ROBO2: variants seen among roughly 807,000 people sequenced by gnomAD.
The protein encoded by ROBO2 is roundabout homolog 2.
ROBO2 carries 53 observed loss-of-function variants against 160.8 expected under a neutral mutation model. The observed-to-expected ratio is 0.33, with a 90% CI of 0.26 to 0.41. The LOEUF is 0.41. Ranked by LOEUF, ROBO2 falls within the 10% of genes least tolerant of loss-of-function variation. The probability of loss-of-function intolerance (pLI) is 1.00; values close to 1 mark genes in which losing one functional copy is unlikely to be tolerated. For missense variants in ROBO2, 1,577 were observed against 1,722.4 expected (o/e 0.92, Z 1.49); for synonymous variants, 664 against 611.7 (o/e 1.09, Z -1.26).
intron 2 of ROBO2, among the ~76,000 whole-genome samples, chr3:77,228,039 T>G (rs1369785479): frequency 6.6e-6 from 1 of 152,206 alleles, no homozygotes; most frequent in East Asian, 1.9e-4. Context: ...AATGTTTGAC[T>G]TCCTATTTGA....
At chr3:76,489,890 T>C (rs1476842000) in intron 2 of ROBO2, among the ~76,000 whole-genome samples, 1 of 152,104 alleles carries the variant, frequency 6.6e-6, no homozygotes, top group East Asian at 1.9e-4. Context: ...ACAAAAAGCC[T>C]TTCAATAAAC....
At chr3:76,099,455 A>G (rs979811721) in intron 2 of ROBO2, among the ~76,000 whole-genome samples, 1 of 152,114 alleles carries the variant, frequency 6.6e-6, no homozygotes, top group Admixed American at 6.6e-5. Flanking sequence ...TAAGGCATGT[A>G]TTTCTTGAGA....
At chr3:76,624,796 CAAAAAAAAAAAAAAAAAAAAAAAAAAAA>C (rs57920315) in intron 2 of ROBO2, among the ~76,000 whole-genome samples, 2 of 46,324 alleles carry the variant, frequency 4.3e-5, no homozygotes, top group South Asian at 2.6e-3. Flanking sequence ...GACTCCGTCT[CAAAAAAAAAAAAAAAAAAAAAAAAAAAA>C]AAAAAAAAAA....
chr3:77,090,632 G>A (rs188583197), intron 1 of ROBO2, among the ~76,000 whole-genome samples: 6 of 152,072 alleles, frequency 3.9e-5, no homozygotes, highest in Non-Finnish European at 7.4e-5. Flanking sequence ...GGGATTACAG[G>A]TGTGAGTCAC....
rs75552284 is a variant in ROBO2, at chr3:77,560,072, A to G, written c.1437+1923A>G. 7.1e-4 allele frequency among the ~76,000 whole-genome samples: 108 copies of G among 152,200 alleles called. No homozygotes were observed. In the East Asian group the frequency reaches 0.02, roughly 28 times the overall value. On this transcript the variant is annotated intron_variant, in intron 9 of 25. Coordinates refer to ENST00000461745, the Ensembl canonical transcript of ROBO2. ...GAGGTTAATGCATTTTCACTGTATC[A>G]CTGAATTAAAGGGTATGCTTGAGTA...
chr3:76,422,011 A>G (rs1321660533), intron 2 of ROBO2, among the ~76,000 whole-genome samples: 1 of 152,110 alleles, frequency 6.6e-6, no homozygotes, highest in Non-Finnish European at 1.5e-5. Flanking sequence ...ATTGAACTGT[A>G]AATCGTAGGT....
chr3:77,492,894 T>C (rs2086310214), intron 4 of ROBO2, among the ~76,000 whole-genome samples: 1 of 152,164 alleles, frequency 6.6e-6, no homozygotes, highest in Admixed American at 6.5e-5. Flanking sequence ...GATAATAGAT[T>C]ATTGTAATCA....
At chr3:77,390,667 A>G (rs1319361936) in intron 2 of ROBO2, among the ~76,000 whole-genome samples, 1 of 152,210 alleles carries the variant, frequency 6.6e-6, no homozygotes, top group Non-Finnish European at 1.5e-5. Context: ...ATAACAGATA[A>G]TAAAGCAACT....
intron 2 of ROBO2, among the ~76,000 whole-genome samples, chr3:76,508,960 T>C (rs1038127876): frequency 2.6e-5 from 4 of 152,202 alleles, no homozygotes; most frequent in African/African-American, 9.6e-5. Flanking sequence ...TTTTATATTA[T>C]ACAATGCATA....
chr3:76,661,091 A>G (rs920077988), intron 2 of ROBO2, among the ~76,000 whole-genome samples: 4 of 152,180 alleles, frequency 2.6e-5, no homozygotes, highest in African/African-American at 9.7e-5. Flanking sequence ...ACTTTTTTAA[A>G]CCATAAAAAC....
chr3:77,347,662 G>A (rs770002006), intron 2 of ROBO2, among the ~76,000 whole-genome samples: 1 of 151,926 alleles, frequency 6.6e-6, no homozygotes, highest in Non-Finnish European at 1.5e-5. Flanking sequence ...AATTATGATG[G>A]CCTTGTTAGA....
rs529665515 is a variant in ROBO2 at position 76,501,932 on chromosome 3, A to G, written c.109+564330A>G. On this transcript the variant is annotated intron_variant, in intron 2 of 26. Transcript: ENST00000487694. ...TTTTTATAGTTTCTGGAAGAGATTG[A>G]TCAAAACTTCAACTATTGTGGAATT... 8.4e-4 allele frequency among the ~76,000 whole-genome samples: 128 copies of G among 152,284 alleles called. 1 individual carries two copies. The highest frequency in any genetic ancestry group is 2.4e-3 in the African/African-American group (101 of 41,542).
At chr3:77,227,803 T>A (rs1029162875) in intron 2 of ROBO2, among the ~76,000 whole-genome samples, 2 of 152,354 alleles carry the variant, frequency 1.3e-5, no homozygotes, top group South Asian at 4.2e-4. Flanking sequence ...TTCAACTGCC[T>A]TACTCTGTCA....
chr3:76,219,485 A>C (rs1703807408), intron 2 of ROBO2, among the ~76,000 whole-genome samples: 1 of 152,204 alleles, frequency 6.6e-6, no homozygotes, highest in Non-Finnish European at 1.5e-5. Context: ...ACAAGAAGAA[A>C]ACAAACAACC....
intron 2 of ROBO2, among the ~76,000 whole-genome samples, chr3:76,152,367 G>A (rs561101510): frequency 1.3e-5 from 2 of 152,192 alleles, no homozygotes; most frequent in South Asian, 2.1e-4. Context: ...CATTAATAGA[G>A]CTTCAAATTC....
At chr3:76,521,281 C>A (rs1405701413) in intron 2 of ROBO2, among the ~76,000 whole-genome samples, 2 of 151,912 alleles carry the variant, frequency 1.3e-5, no homozygotes, top group Non-Finnish European at 2.9e-5. Context: ...ACTCCTAGAC[C>A]CAAGTGATCC....
In ROBO2 at chr3:76,185,215, T is replaced by TATATATATATATACAC; in HGVS notation, c.109+247614_109+247615insTATATATATATACACA. On this transcript the variant is annotated intron_variant, in intron 2 of 26. Coordinates refer to the ROBO2 transcript ENST00000487694. ...ACACAGATATATATATATATATATA[T>TATATATATATATACAC]ACACACACAAAGATGTTATATATAC... Among the ~76,000 whole-genome samples the TATATATATATATACAC allele has an allele frequency of 2.1e-3, 190 of 90,280 alleles. 5 individuals are homozygous for TATATATATATATACAC. Among genetic ancestry groups the TATATATATATATACAC allele is most frequent in the South Asian group, 3.6e-3 (9 of 2,472 alleles). The allele number at this position is 90,280 out of a possible 152,430, so 59.2% of individuals were successfully genotyped here.
intron 2 of ROBO2, among the ~76,000 whole-genome samples, chr3:76,068,771 C>A (rs1264400067): frequency 1.3e-5 from 2 of 152,132 alleles, no homozygotes; most frequent in Admixed American, 1.3e-4. Context: ...CTGCCTTCTC[C>A]TTTTCTACTT....
At chr3:76,461,005 A>AT (rs1489964954) in intron 2 of ROBO2, among the ~76,000 whole-genome samples, 1 of 152,230 alleles carries the variant, frequency 6.6e-6, no homozygotes, top group Non-Finnish European at 1.5e-5. Context: ...ATACCACTGT[A>AT]TTAGGCCATT....
Sources: allele counts gnomAD v4.1 joint callset (sites outside exome capture counted in the v4.1 genomes callset), GRCh38; gene constraint gnomAD v4.1.1; transcripts MANE v1.5; gene names NCBI Gene and HGNC (gene_info 2026-07-23, HGNC 2026-07-21).